UBR2: variants seen among roughly 807,000 people sequenced by gnomAD.
The protein encoded by UBR2 is ubiquitin protein ligase E3 component n-recognin 2.
UBR2 carries 92 observed loss-of-function variants against 247.9 expected under a neutral mutation model. The observed-to-expected ratio is 0.37, with a 90% CI of 0.31 to 0.44. The LOEUF (loss-of-function observed/expected upper bound fraction) is 0.44. Among genes scored for constraint, UBR2 ranks in the 20% least tolerant of loss-of-function variants. The pLI is 1.00. For synonymous variants in UBR2, 672 were observed against 693.5 expected (o/e 0.97, Z 0.49); for missense variants, 1,613 against 2,112.6 (o/e 0.76, Z 4.64).
intron 2 of UBR2, among the ~76,000 whole-genome samples, chr6:42,584,338 G>A (rs1355136219): frequency 6.6e-6 from 1 of 152,100 alleles, no homozygotes; most frequent in Non-Finnish European, 1.5e-5. Context: ...TAACCATAAA[G>A]TGTGGGTCCA....
chr6:42,567,088 C>T (rs1426681733), intron 1 of UBR2, among the ~76,000 whole-genome samples: 1 of 152,204 alleles, frequency 6.6e-6, no homozygotes, highest in Non-Finnish European at 1.5e-5. Flanking sequence ...CTTTAGACCT[C>T]TGTCATTGGT....
chr6:42,667,104 G>C (rs1338392639), intron 34 of UBR2, among the ~76,000 whole-genome samples: 3 of 152,192 alleles, frequency 2.0e-5, no homozygotes, highest in Admixed American at 6.5e-5. Context: ...GGGAGGCCAT[G>C]GCGGGCAGAT....
At position 42,564,082 on chromosome 6, in the gene UBR2, C is replaced by G; in HGVS notation, c.-238C>G. 1.8e-6 allele frequency: 1 copy of G among 546,468 alleles called. No individual in the cohort carries two copies. The highest frequency in any genetic ancestry group is 3.3e-5 in the East Asian group (1 of 30,562). 33.9% of individuals were successfully genotyped at this position (546,468 alleles called of 1,614,324 possible). On this transcript the variant is annotated 5_prime_UTR_variant, in exon 1 of 47. Coordinates refer to ENST00000372901, the MANE Select transcript of UBR2 (RefSeq NM_001363705.2). Reference sequence around the variant, plus strand: ...GGGTTTTCTGTGTCCTTCCCTGGGTCAGGGACGAGCCAGTGACTTGACTCT... The same window carrying G: ...GGGTTTTCTGTGTCCTTCCCTGGGTGAGGGACGAGCCAGTGACTTGACTCT...
intron 37 of UBR2, 90 bp from the exon 38 acceptor site, chr6:42,674,036 C>A: frequency 1.4e-6 from 2 of 1,407,228 alleles, no homozygotes; most frequent in Non-Finnish European, 2.0e-6. Flanking sequence ...TCTCATGTGT[C>A]TTGCAAGAAG....
chr6:42,569,548 T>G (rs1294141428), intron 1 of UBR2, among the ~76,000 whole-genome samples: 1 of 152,224 alleles, frequency 6.6e-6, no homozygotes, highest in African/African-American at 2.4e-5. Flanking sequence ...TAATATAATT[T>G]GTTTAAAATT....
chr6:42,572,533 A>C (rs1316997084), intron 1 of UBR2, among the ~76,000 whole-genome samples: 4 of 150,162 alleles, frequency 2.7e-5, no homozygotes, highest in African/African-American at 9.8e-5. Context: ...GGTTTTTTTT[A>C]ATTTCAGCTT....
At chr6:42,640,387 T>G (rs1223383295) in intron 16 of UBR2, 117 bp downstream of exon 16, 22 of 27,098 alleles carry the variant, frequency 8.1e-4, no homozygotes, top group East Asian at 4.5e-3. Context: ...CAGTAAGGTG[T>G]GTGTGTGTGT....
At chr6:42,679,634 C>A (rs1798913239) in intron 41 of UBR2, 90 bp from the exon 42 acceptor site, 2 of 949,748 alleles carry the variant, frequency 2.1e-6, no homozygotes, top group Admixed American at 2.5e-5. Context: ...GTCTTTCATC[C>A]TTTTTTTTTA....
chr6:42,658,844 AAATT>A lies in UBR2; in HGVS notation c.3242+24_3242+27del, dbSNP rs758891669. ...TCATAGGTAAAAAAAAAAAAAAAAAAAATTAATGTCTTGACGAGTTTTTCCCAAC... is the reference window on the plus strand; with the variant it reads ...TCATAGGTAAAAAAAAAAAAAAAAAAAATGTCTTGACGAGTTTTTCCCAAC... On this transcript the variant is annotated intron_variant, in intron 29 of 46. Transcript: ENST00000372901. 1.8e-5 allele frequency: 27 copies of A among 1,509,778 alleles called. 1 individual carries two copies. The African/African-American group carries it at 3.3e-4, about 18-fold the overall frequency. The allele number at this position is 1,509,778 out of a possible 1,614,324, so 93.5% of individuals were successfully genotyped here. A position where few individuals can be genotyped will look rare whatever the true frequency, so the allele number is the denominator to read the frequency against.
chr6:42,638,252 C>A (rs1959300281), intron 15 of UBR2, among the ~76,000 whole-genome samples: 1 of 152,058 alleles, frequency 6.6e-6, no homozygotes, highest in African/African-American at 2.4e-5. Flanking sequence ...GGGAATTGAT[C>A]CATTTCATCT....
intron 1 of UBR2, among the ~76,000 whole-genome samples, chr6:42,564,942 T>C (rs1454943805): frequency 6.6e-6 from 1 of 152,186 alleles, no homozygotes; most frequent in Non-Finnish European, 1.5e-5. Flanking sequence ...CTTTTTTTTT[T>C]GCACCGGTTT....
At chr6:42,615,215 C>G in intron 9 of UBR2, 37 bp downstream of exon 9, 1 of 1,472,428 alleles carries the variant, frequency 6.8e-7, no homozygotes, top group Non-Finnish European at 9.2e-7. Context: ...GTAGAGGAAC[C>G]TATATAAGTA....
chr6:42,666,564 A>G (rs2151979323), intron 34 of UBR2, among the ~76,000 whole-genome samples: 1 of 152,154 alleles, frequency 6.6e-6, no homozygotes. Flanking sequence ...TCTAAGAACC[A>G]TGTGGCATGT....
At position 42,689,236 on chromosome 6, in the gene UBR2, G is replaced by A. The variant is rs1799615080; in HGVS notation, c.5025-333G>A. ...TTTGAAGCAGAGGCATGACATGAGTGTGGGCTCCTCTGGAGCATAGGTTGT... is the reference window on the plus strand; with the variant it reads ...TTTGAAGCAGAGGCATGACATGAGTATGGGCTCCTCTGGAGCATAGGTTGT... On this transcript the variant is annotated intron_variant, in intron 45 of 46. Coordinates refer to ENST00000372901, the MANE Select transcript of UBR2 (RefSeq NM_001363705.2). This position sits in a 1 kb window ranked among gnomAD's most constrained non-coding sequence, Gnocchi z 4.0. Among the ~76,000 whole-genome samples, 1 of 152,190 alleles carries A rather than the reference G, an allele frequency of 6.6e-6. No homozygotes were observed. The highest frequency in any genetic ancestry group is 2.4e-5 in the African/African-American group (1 of 41,444).
At chr6:42,688,859 G>T (rs1562409582) in intron 45 of UBR2, among the ~76,000 whole-genome samples, 1 of 152,172 alleles carries the variant, frequency 6.6e-6, no homozygotes. Flanking sequence ...AGCTTGTTTT[G>T]TATGAGAGAG....
chr6:42,655,611 T>A lies in UBR2; in HGVS notation c.2770-10T>A. 4 of 1,504,766 alleles carry A rather than the reference T, an allele frequency of 2.7e-6. No homozygotes were observed. The highest frequency in any genetic ancestry group is 3.6e-6 in the Non-Finnish European group (4 of 1,122,740). The allele number at this position is 1,504,766 out of a possible 1,614,324, so 93.2% of individuals were successfully genotyped here. A position where few individuals can be genotyped will look rare whatever the true frequency, so the allele number is the denominator to read the frequency against. On this transcript the variant is annotated splice_polypyrimidine_tract_variant and intron_variant, in intron 25 of 46. Coordinates refer to ENST00000372901, the MANE Select transcript of UBR2 (RefSeq NM_001363705.2). ...AATTTTTACTAAAAGTTACAAAACA[T>A]TTATTCAAGGTGTTACATTTAATTG...
chr6:42,676,303 T>G, intron 39 of UBR2, 112 bp downstream of exon 39: 2 of 1,174,070 alleles, frequency 1.7e-6, no homozygotes, highest in South Asian at 4.3e-5. Context: ...TGAATAAGGC[T>G]GTTTTTTTCT....
chr6:42,667,044 C>T (rs1424099512), intron 34 of UBR2, among the ~76,000 whole-genome samples: 1 of 151,958 alleles, frequency 6.6e-6, no homozygotes, highest in Admixed American at 6.6e-5. Flanking sequence ...TAAATACAGA[C>T]CTAAAGACTT....
intron 15 of UBR2, among the ~76,000 whole-genome samples, chr6:42,638,084 T>C (rs1315280834): frequency 6.6e-6 from 1 of 152,216 alleles, no homozygotes; most frequent in Non-Finnish European, 1.5e-5. Flanking sequence ...TTTCATTTCT[T>C]CCTTAAATGT....
Sources: gnomAD v4.1 joint callset for allele counts (sites outside exome capture counted in the v4.1 genomes callset) on GRCh38, gnomAD v4.1.1 for gene constraint, Gnocchi (gnomAD v3.1) non-coding constraint, MANE v1.5 for transcripts, NCBI Gene and HGNC (gene_info 2026-07-23, HGNC 2026-07-21) for gene names.